DISP3: variants seen among roughly 807,000 people sequenced by gnomAD.
The protein encoded by DISP3 is dispatched RND transporter family member 3.
In DISP3, 101 loss-of-function variants were observed where a neutral mutation model predicts 135.3. That is an observed-to-expected ratio of 0.75 (90% CI 0.64 to 0.88). The LOEUF (loss-of-function observed/expected upper bound fraction) is 0.88, where lower values mean the gene tolerates loss of function less well. Among genes scored for constraint, DISP3 ranks in the 40% least tolerant of loss-of-function variants. The probability of loss-of-function intolerance (pLI) is 0.00; values close to 1 mark genes in which losing one functional copy is unlikely to be tolerated. For synonymous variants in DISP3, 856 were observed against 817.0 expected, an observed-to-expected ratio of 1.05 and a Z score of -0.81; for missense variants, 1,713 against 1,878.6, an observed-to-expected ratio of 0.91 and a Z score of 1.63.
Position 11,529,574 on chromosome 1 carries a change from G to A in DISP3, c.2817G>A (p.Gln939=), listed in dbSNP as rs1312785602. 5.1e-6 allele frequency: 8 copies of A among 1,573,346 alleles called. No homozygotes were observed. The highest frequency in any genetic ancestry group is 6.9e-6 in the Non-Finnish European group (8 of 1,156,748). Residue 939 remains glutamine (Q), a synonymous_variant, in exon 14 of 21, where the codon CAG becomes CAA. Coordinates refer to ENST00000294484, the MANE Select transcript of DISP3 (RefSeq NM_020780.2). This position sits in a 1 kb window ranked among gnomAD's most constrained non-coding sequence, Gnocchi z 4.7. ...TCCACAGGAAGCTGTACTTCGCCCA[G>A]TCCCACAAGCCCCCCTTCCACGGGC... ...QQHTRKLYFA[Q]SHKPPFHGRV... is the part of the protein sequence containing the mutation.
At chr1:11,493,753 A>ACT (rs1214464429) in intron 1 of DISP3, among the ~76,000 whole-genome samples, 1 of 151,542 alleles carries the variant, frequency 6.6e-6, no homozygotes, top group Non-Finnish European at 1.5e-5. Flanking sequence ...CTGGAAACAC[A>ACT]CTCTCTCTCT....
Position 11,532,072 on chromosome 1 carries a change from C to T in DISP3, c.3375+362C>T, listed in dbSNP as rs189872115. Among the ~76,000 whole-genome samples the T allele has an allele frequency of 4.2e-3, 637 of 152,320 alleles. 4 individuals are homozygous for T. The highest frequency in any genetic ancestry group is 0.015 in the African/African-American group (609 of 41,576). On this transcript the variant is annotated intron_variant, in intron 17 of 20. Transcript: ENST00000294484. Reference sequence around the variant, plus strand: ...ACTGTGGGAGGCCAGGTTGGGGCCCCAGACCCTGGCAGCCTCCCTTAGGGT... The same window carrying T: ...ACTGTGGGAGGCCAGGTTGGGGCCCTAGACCCTGGCAGCCTCCCTTAGGGT...
intron 13 of DISP3, 148 bp downstream of exon 13, chr1:11,526,983 T>A (rs1570142024): frequency 1.0e-6 from 1 of 1,000,070 alleles, no homozygotes; most frequent in East Asian, 2.7e-5. Context: ...CAGGCTGGAG[T>A]GCAGTGGCAC....
At position 11,501,566 on chromosome 1, in the gene DISP3, G is replaced by T; in HGVS notation, c.574G>T (p.Ala192Ser). 6.3e-7 allele frequency: 1 copy of T among 1,588,040 alleles called. No homozygotes were observed. The highest frequency in any genetic ancestry group is 8.6e-7 in the Non-Finnish European group (1 of 1,165,282). Reference protein sequence around the residue: ...GPGPYRDTSAAQKPTANRSGR... With the variant: ...GPGPYRDTSASQKPTANRSGR... ...AGGCCCTTACCGGGACACTTCCGCG[G>T]CTCAAAAGCCCACAGCCAATCGGAG... The change falls in exon 2 of 21, where the codon GCT becomes TCT. Residue 192 changes from alanine (A) to serine (S), a missense_variant. Physicochemically the swap from Ala to Ser is moderately conservative, Grantham distance 99 (BLOSUM62 1). Around this residue, in one of 2 missense-constraint regions of DISP3, gnomAD observed 571 missense variants for 494.1 expected, o/e 1.16. Transcript: ENST00000294484. The surrounding 1 kb of genome is among the most constrained non-coding windows in gnomAD (Gnocchi z 4.9).
At chr1:11,507,545 G>C (rs1051013854) in intron 3 of DISP3, among the ~76,000 whole-genome samples, 1 of 152,186 alleles carries the variant, frequency 6.6e-6, no homozygotes, top group Non-Finnish European at 1.5e-5. Flanking sequence ...CCAAAGCTCT[G>C]CTAGCTTATC....
chr1:11,535,641 C>G lies in DISP3; in HGVS notation c.3813C>G (p.Ala1271=). 6.2e-7 allele frequency: 1 copy of G among 1,611,054 alleles called. No homozygotes were observed. The highest frequency in any genetic ancestry group is 8.5e-7 in the Non-Finnish European group (1 of 1,179,350). Residue 1271 remains alanine (A), a synonymous_variant, in exon 20 of 21, where the codon GCC becomes GCG. Transcript: ENST00000294484. ...GAGAGAACCTGCCCCCCCACCAGGC[C>G]GAGGTGCGCACCCTGCCCGCCTTAC... ...LAGENLPPHQ[A]EDARTQRQWR...
intron 3 of DISP3, among the ~76,000 whole-genome samples, chr1:11,512,935 G>A (rs1641898897): frequency 6.6e-6 from 1 of 152,114 alleles, no homozygotes; most frequent in Non-Finnish European, 1.5e-5. Context: ...GGAAACCCCA[G>A]ATAAACCCAT....
chr1:11,489,956 G>GTA (rs1445470018), intron 1 of DISP3, among the ~76,000 whole-genome samples: 2 of 152,346 alleles, frequency 1.3e-5, no homozygotes, highest in African/African-American at 4.8e-5. Context: ...TTTCATGGCC[G>GTA]TAGTTATTGG....
chr1:11,533,974 A>G (rs1234521125), intron 17 of DISP3: 8 of 676,988 alleles, frequency 1.2e-5, no homozygotes, highest in Admixed American at 1.0e-4. Flanking sequence ...GAGCAGGGGA[A>G]GCACTGAGGG....
intron 3 of DISP3, among the ~76,000 whole-genome samples, chr1:11,503,178 G>A (rs1161137030): frequency 6.6e-6 from 1 of 152,184 alleles, no homozygotes; most frequent in Non-Finnish European, 1.5e-5. Flanking sequence ...CTCCTGAGAT[G>A]GTGCTCGAGG....
intron 4 of DISP3, 40 bp from the exon 5 acceptor site, chr1:11,515,329 G>A (rs1203862864): frequency 6.8e-6 from 11 of 1,612,518 alleles, no homozygotes; most frequent in Non-Finnish European, 5.9e-6. Context: ...GTCCCATGAG[G>A]GTCCCCCCAC....
At chr1:11,521,062 G>A (rs1346774010) in intron 10 of DISP3, among the ~76,000 whole-genome samples, 1 of 152,166 alleles carries the variant, frequency 6.6e-6, no homozygotes, top group Non-Finnish European at 1.5e-5. Flanking sequence ...GTGGGCGGGA[G>A]GCATAGGCTT....
chr1:11,501,720 C>T lies in DISP3; in HGVS notation c.728C>T (p.Ala243Val), dbSNP rs779556031. Residue 243 changes from alanine (A) to valine (V), a missense_variant, in exon 2 of 21, where the codon GCG becomes GTG. Transcript: ENST00000294484. The surrounding 1 kb of genome is among the most constrained non-coding windows in gnomAD (Gnocchi z 4.9). ...QPSIPPHAAV[A>V]ANQSRARRGA... ...AGCATCCCGCCCCACGCGGCAGTCG[C>T]GGCCAATCAGAGCCGTGCCCGCCGA... The T allele has an allele frequency of 3.8e-6, 6 of 1,597,476 alleles. No individual in the cohort carries two copies. The highest frequency in any genetic ancestry group is 1.3e-5 in the African/African-American group (1 of 74,650).
Position 11,530,954 on chromosome 1 carries a change from G to GCAC in DISP3, c.3152_3154dup (p.His1051dup). On this transcript the variant is annotated inframe_insertion, in exon 16 of 21. Transcript: ENST00000294484. ...GCTTTGACCTCTTCAAGGAAATTGG[G>GCAC]CACCTGTGTCACCTCTGCAAGGCCA... is the stretch of plus-strand genomic sequence containing the variant. 6.2e-7 allele frequency: 1 copy of GCAC among 1,614,016 alleles called. No homozygotes were observed. The highest frequency in any genetic ancestry group is 8.5e-7 in the Non-Finnish European group (1 of 1,179,982).
chr1:11,484,396 C>T (rs1049300985), intron 1 of DISP3, among the ~76,000 whole-genome samples: 8 of 152,180 alleles, frequency 5.3e-5, no homozygotes, highest in East Asian at 1.9e-4. Context: ...TGATGGGCAG[C>T]GGCAGGCTAT....
rs1641850377 is a variant in DISP3, at chr1:11,511,366, T to C, written c.1317-3024T>C. Among the ~76,000 whole-genome samples the C allele has an allele frequency of 2.6e-5, 4 of 152,218 alleles. No homozygotes were observed. The South Asian group carries it at 8.3e-4, about 31-fold the overall frequency. On this transcript the variant is annotated intron_variant, in intron 3 of 20. Coordinates refer to ENST00000294484, the MANE Select transcript of DISP3 (RefSeq NM_020780.2). ...TACTTCCTAGATACAATGGGGGTACTGGTATTCGTTAAATACAACCATTCC... is the reference window on the plus strand; with the variant it reads ...TACTTCCTAGATACAATGGGGGTACCGGTATTCGTTAAATACAACCATTCC...
chr1:11,535,236 A>C, intron 19 of DISP3, 112 bp downstream of exon 19: 51 of 1,122,548 alleles, frequency 4.5e-5, no homozygotes, highest in Non-Finnish European at 5.3e-5. Context: ...GTCACATCTC[A>C]GCGGAGGCTC....
chr1:11,512,682 A>T (rs956111922), intron 3 of DISP3, among the ~76,000 whole-genome samples: 14 of 152,170 alleles, frequency 9.2e-5, no homozygotes, highest in Non-Finnish European at 1.0e-4. Context: ...CCTGTTACCC[A>T]GTTCCAAAGT....
At position 11,529,764 on chromosome 1, in the gene DISP3, C is replaced by G. The variant is rs1431012604; in HGVS notation, c.2930-23C>G. The G allele has an allele frequency of 5.0e-6, 8 of 1,606,936 alleles. No homozygotes were observed. Among genetic ancestry groups the G allele is most frequent in the Non-Finnish European group, 6.0e-6 (7 of 1,174,890 alleles). ...AGGAGCTGGACCCTGCCTTCCCTTA[C>G]AGCTGTGACTCCCTGTTCGCAGTGC... On this transcript the variant is annotated intron_variant, in intron 14 of 20. Transcript: ENST00000294484. The surrounding 1 kb of genome is among the most constrained non-coding windows in gnomAD (Gnocchi z 4.7).
Sources: gnomAD v4.1 joint callset for allele counts (sites outside exome capture counted in the v4.1 genomes callset) on GRCh38, gnomAD v4.1.1 for gene constraint, gnomAD v4.1.1 regional missense constraint, Gnocchi (gnomAD v3.1) non-coding constraint, MANE v1.5 for transcripts, NCBI Gene and HGNC (gene_info 2026-07-23, HGNC 2026-07-21) for gene names.